PLD1: variants seen among roughly 807,000 people sequenced by gnomAD.
PLD1 encodes phospholipase D1, also known as choline phosphatase 1.
Under a neutral mutation model 137.1 loss-of-function variants are expected in PLD1, and 112 were observed. The observed-to-expected ratio is 0.82, with a 90% CI of 0.70 to 0.96. PLD1 has a LOEUF of 0.96. Ranked by LOEUF, PLD1 falls within the 40% of genes least tolerant of loss-of-function variation. The pLI is 0.00. For synonymous variants in PLD1, 431 were observed against 454.7 expected (o/e 0.95, Z 0.66); for missense variants, 1,321 against 1,342.0 (o/e 0.98, Z 0.24).
chr3:171,708,310 G>C lies in PLD1; in HGVS notation c.1145+445C>G, dbSNP rs1298961094. The stretch of plus-strand genomic sequence containing the variant: ...GATGTATCTCTAGAACAGCTGACCA[G>C]GCCTAGTCATTACAGAGGATATTTT... On this transcript the variant is annotated intron_variant, in intron 11 of 26. Coordinates refer to ENST00000351298, the MANE Select transcript of PLD1 (RefSeq NM_002662.5). Among the ~76,000 whole-genome samples the C allele has an allele frequency of 2.0e-5, 3 of 152,108 alleles. No individual in the cohort carries two copies. In the East Asian group the frequency reaches 5.8e-4, roughly 29 times the overall value.
chr3:171,769,221 C>T (rs1193486015), intron 1 of PLD1, among the ~76,000 whole-genome samples: 1 of 152,114 alleles, frequency 6.6e-6, no homozygotes, highest in Non-Finnish European at 1.5e-5. Flanking sequence ...TGCTTTGTTA[C>T]CATCTCTAGA....
chr3:171,721,839 T>C (rs185611818), intron 8 of PLD1, among the ~76,000 whole-genome samples: 19 of 152,230 alleles, frequency 1.2e-4, no homozygotes, highest in Admixed American at 9.8e-4. Context: ...CAGTTTTCTT[T>C]AGTTTAATCT....
chr3:171,698,015 T>C (rs1046062676), intron 12 of PLD1, among the ~76,000 whole-genome samples: 1 of 152,236 alleles, frequency 6.6e-6, no homozygotes, highest in Admixed American at 6.5e-5. Flanking sequence ...AATTTACTAG[T>C]ATTAGTACAG....
Position 171,810,380 on chromosome 3 carries a change from G to A in PLD1, c.-32+19C>T, listed in dbSNP as rs534249861. On this transcript the variant is annotated intron_variant, in intron 1 of 26. Transcript: ENST00000351298. ...CTCCCACGGGCGCCCGGTGATCCGG[G>A]TCTCGGCGCGGCTCCTACCTGCAGG... is the stretch of plus-strand genomic sequence containing the variant. 2.0e-5 allele frequency: 3 copies of A among 152,432 alleles called. No homozygotes were observed. The highest frequency in any genetic ancestry group is 4.1e-4 in the South Asian group (2 of 4,832). The allele number at this position is 152,432 out of a possible 1,614,324, so 9.4% of individuals were successfully genotyped here.
intron 19 of PLD1, among the ~76,000 whole-genome samples, chr3:171,663,389 T>C (rs1711723684): frequency 6.6e-6 from 1 of 152,244 alleles, no homozygotes; most frequent in Admixed American, 6.5e-5. Flanking sequence ...ATCGTGTTTC[T>C]TAACCTCTTT....
chr3:171,665,023 T>A (rs761114058), intron 19 of PLD1, among the ~76,000 whole-genome samples: 6 of 152,236 alleles, frequency 3.9e-5, no homozygotes, highest in Non-Finnish European at 7.3e-5. Context: ...GCTGGTAACA[T>A]CTGAGTTTTT....
chr3:171,745,160 T>G (rs924291105), intron 1 of PLD1, among the ~76,000 whole-genome samples: 3 of 152,252 alleles, frequency 2.0e-5, no homozygotes. Flanking sequence ...AGTCATATCT[T>G]TGAATTCAAA....
intron 1 of PLD1, among the ~76,000 whole-genome samples, chr3:171,760,646 C>T (rs994508217): frequency 6.6e-5 from 10 of 152,204 alleles, no homozygotes; most frequent in African/African-American, 1.4e-4. Flanking sequence ...TGGCTCAAGG[C>T]GGAGTCCAGA....
intron 8 of PLD1, among the ~76,000 whole-genome samples, chr3:171,723,011 T>G (rs6763933): frequency 0.36 from 54,782 of 151,930 alleles, 10,976 homozygotes; most frequent in African/African-American, 0.52. Context: ...AAACAACTCA[T>G]ACTCTTTTAT....
intron 1 of PLD1, among the ~76,000 whole-genome samples, chr3:171,747,297 T>C (rs894033742): frequency 1.3e-5 from 2 of 152,210 alleles, no homozygotes; most frequent in African/African-American, 4.8e-5. Flanking sequence ...TGCTGGCAGA[T>C]GCATGCCTCT....
rs759795178 is a variant in PLD1 at position 171,764,857 on chromosome 3, A to AAG, written c.-31-26777_-31-26776dup. 9.6e-3 allele frequency among the ~76,000 whole-genome samples: 208 copies of AAG among 21,604 alleles called. 24 individuals are homozygous for AAG. The highest frequency in any genetic ancestry group is 0.024 in the African/African-American group (128 of 5,334). The allele number at this position is 21,604 out of a possible 152,430, so 14.2% of individuals were successfully genotyped here. A position where few individuals can be genotyped will look rare whatever the true frequency, so the allele number is the denominator to read the frequency against. ...AAAGAAAGAAAGAAAGAAAGAAAGAAAGAAAGAAAGAAAGAAAGAAAGAAA... is the reference window on the plus strand; with the variant it reads ...AAAGAAAGAAAGAAAGAAAGAAAGAAAGAGAAAGAAAGAAAGAAAGAAAGAAA... On this transcript the variant is annotated intron_variant, in intron 1 of 26. Coordinates refer to ENST00000351298, the MANE Select transcript of PLD1 (RefSeq NM_002662.5).
intron 20 of PLD1, among the ~76,000 whole-genome samples, chr3:171,661,486 C>T (rs947586173): frequency 6.6e-6 from 1 of 152,114 alleles, no homozygotes; most frequent in Non-Finnish European, 1.5e-5. Context: ...AACTCAGTGT[C>T]CCCAGATTTT....
chr3:171,665,814 A>G (rs1278237556), intron 19 of PLD1, among the ~76,000 whole-genome samples: 1 of 151,964 alleles, frequency 6.6e-6, no homozygotes, highest in East Asian at 1.9e-4. Flanking sequence ...GGGGTTTCCT[A>G]CCTCCTGAGG....
chr3:171,715,505 A>G (rs943812293), intron 8 of PLD1, among the ~76,000 whole-genome samples: 3 of 152,064 alleles, frequency 2.0e-5, no homozygotes, highest in Non-Finnish European at 4.4e-5. Flanking sequence ...TATTTCTGTG[A>G]AAATGTCATT....
intron 22 of PLD1, 130 bp downstream of exon 22, chr3:171,644,780 G>A (rs1736050980): frequency 1.6e-6 from 1 of 644,604 alleles, no homozygotes; most frequent in Admixed American, 2.6e-5. Context: ...GCCAAGATTT[G>A]AAAGTAAAAT....
chr3:171,645,103 A>T lies in PLD1; in HGVS notation c.2430-80T>A. On this transcript the variant is annotated intron_variant, in intron 21 of 26. Transcript: ENST00000351298. ...TTTAGATGACAGCCAAGCAGTTCAC[A>T]TGGTTTTTGAGATTGAGTGAATGGC... 3.3e-6 allele frequency: 3 copies of T among 899,572 alleles called. No individual in the cohort carries two copies. In the East Asian group the frequency reaches 7.3e-5, roughly 22 times the overall value. The allele number at this position is 899,572 out of a possible 1,614,324, so 55.7% of individuals were successfully genotyped here. A position where few individuals can be genotyped will look rare whatever the true frequency, so the allele number is the denominator to read the frequency against.
intron 1 of PLD1, among the ~76,000 whole-genome samples, chr3:171,740,031 C>T (rs566096731): frequency 6.6e-6 from 1 of 152,262 alleles, no homozygotes; most frequent in Admixed American, 6.5e-5. Context: ...CATTTAAATT[C>T]CCAGGGTCTT....
chr3:171,789,596 C>T (rs1285624999), intron 1 of PLD1: 2 of 152,196 alleles, frequency 1.3e-5, no homozygotes, highest in Non-Finnish European at 2.9e-5. Context: ...CTATTGAAAA[C>T]TTGGACATCT....
rs11310296 is a variant in PLD1 at position 171,794,685 on chromosome 3, T to TA, written c.-32+15713dup. On this transcript the variant is annotated intron_variant, in intron 1 of 26. Coordinates refer to ENST00000351298, the MANE Select transcript of PLD1 (RefSeq NM_002662.5). ...AACTGAGGAAATATTCCTCTAGTAT[T>TA]AAAAAAAAAAAGTACTGGACAATTC... 5.3e-5 allele frequency among the ~76,000 whole-genome samples: 8 copies of TA among 150,990 alleles called. No homozygotes were observed. In the East Asian group the frequency reaches 5.8e-4, roughly 11 times the overall value.
Sources: gnomAD v4.1 joint callset for allele counts (sites outside exome capture counted in the v4.1 genomes callset) on GRCh38, gnomAD v4.1.1 for gene constraint, MANE v1.5 for transcripts, NCBI Gene and HGNC (gene_info 2026-07-23, HGNC 2026-07-21) for gene names.